DHX57: variants seen among roughly 807,000 people sequenced by gnomAD.
The protein encoded by DHX57 is DExH-box helicase 57, also known as putative ATP-dependent RNA helicase DHX57.
DHX57 carries 105 observed loss-of-function variants against 156.2 expected under a neutral mutation model. That is an observed-to-expected ratio of 0.67 (90% CI 0.57 to 0.79). The LOEUF (loss-of-function observed/expected upper bound fraction) is 0.79. Among genes scored for constraint, DHX57 ranks in the 30% least tolerant of loss-of-function variants. The pLI is 0.00. For missense variants in DHX57, 1,847 were observed against 1,661.9 expected, an observed-to-expected ratio of 1.11 and a Z score of -1.94; for synonymous variants, 704 against 595.6, an observed-to-expected ratio of 1.18 and a Z score of -2.65.
chr2:38,859,474 T>G (rs1474938712), intron 5 of DHX57, among the ~76,000 whole-genome samples: 1 of 152,200 alleles, frequency 6.6e-6, no homozygotes, highest in Admixed American at 6.5e-5. Flanking sequence ...TATTGTTGCA[T>G]AATTCTATAA....
In DHX57 at chr2:38,847,847, G is replaced by A. The variant is rs951078863; in HGVS notation, c.2164+422C>T. On this transcript the variant is annotated intron_variant, in intron 10 of 23. Coordinates refer to ENST00000457308, the MANE Select transcript of DHX57 (RefSeq NM_198963.3). ...ACCTGTAATCCCAGCACTTTGGGAGGCCGAGGCGGGCAGATCGTGAGGTCA... is the reference window on the plus strand; with the variant it reads ...ACCTGTAATCCCAGCACTTTGGGAGACCGAGGCGGGCAGATCGTGAGGTCA... Among the ~76,000 whole-genome samples the A allele has an allele frequency of 5.9e-5, 9 of 152,016 alleles. No individual in the cohort carries two copies. The South Asian group carries it at 8.3e-4, about 14-fold the overall frequency.
chr2:38,839,619 G>A (rs1324045336), intron 12 of DHX57, among the ~76,000 whole-genome samples: 1 of 151,852 alleles, frequency 6.6e-6, no homozygotes, highest in Non-Finnish European at 1.5e-5. Context: ...TACTTGGGAG[G>A]CTGAGGCAGG....
chr2:38,799,257 T>C (rs1245821718), intron 23 of DHX57, among the ~76,000 whole-genome samples: 3 of 149,680 alleles, frequency 2.0e-5, no homozygotes, highest in Non-Finnish European at 3.0e-5. Flanking sequence ...TTCCAGCTAC[T>C]TGGGAGGCTA....
rs1180060112 is a variant in DHX57 at position 38,854,556 on chromosome 2, GTT to G, written c.1906-380_1906-379del. The G allele has an allele frequency of 3.6e-3, 480 of 132,674 alleles. 4 individuals carry two copies. Among genetic ancestry groups the G allele is most frequent in the African/African-American group, 0.012 (422 of 35,096 alleles). 8.2% of individuals were successfully genotyped at this position (132,674 alleles called of 1,614,324 possible). A position where few individuals can be genotyped will look rare whatever the true frequency, so the allele number is the denominator to read the frequency against. On this transcript the variant is annotated intron_variant, in intron 8 of 23. Coordinates refer to ENST00000457308, the MANE Select transcript of DHX57 (RefSeq NM_198963.3). ...GGAAATTTAGTACAACCAAATAAGA[GTT>G]TTTTTTTTTTTTTTTTTTTTGAGAC...
In DHX57 at chr2:38,868,420, GA is replaced by G. The variant is rs1665192798; in HGVS notation, c.-6-10del. 4 of 1,609,128 alleles carry G rather than the reference GA, an allele frequency of 2.5e-6. No homozygotes were observed. ...GAAGAACTCATTTTCACCTGCAAGA[GA>G]AAAAAATTAATGTAGACATCATAAA... On this transcript the variant is annotated splice_polypyrimidine_tract_variant and intron_variant, in intron 1 of 23. Coordinates refer to ENST00000457308, the MANE Select transcript of DHX57 (RefSeq NM_198963.3).
At chr2:38,827,023 C>T (rs1281817576) in intron 14 of DHX57, among the ~76,000 whole-genome samples, 2 of 151,920 alleles carry the variant, frequency 1.3e-5, no homozygotes, top group East Asian at 1.9e-4. Context: ...CCCAGTTACT[C>T]GGGAAGCTGA....
In DHX57 at chr2:38,816,458, C is replaced by T. The variant is rs560799170; in HGVS notation, c.3472-803G>A. ...CTCGAACTCCTGATCTCAGGTGATCCGCCCACCTTGGCCTCCCAAAGCGCT... is the reference window on the plus strand; with the variant it reads ...CTCGAACTCCTGATCTCAGGTGATCTGCCCACCTTGGCCTCCCAAAGCGCT... On this transcript the variant is annotated intron_variant, in intron 19 of 23. Transcript: ENST00000457308. Among the ~76,000 whole-genome samples, 168 of 152,146 alleles carry T rather than the reference C, an allele frequency of 1.1e-3. 1 individual carries two copies. The highest frequency in any genetic ancestry group is 3.7e-3 in the African/African-American group (152 of 41,498).
At chr2:38,810,097 GT>G (rs1670163621) in intron 21 of DHX57, among the ~76,000 whole-genome samples, 1 of 151,058 alleles carries the variant, frequency 6.6e-6, no homozygotes, top group South Asian at 2.1e-4. Flanking sequence ...GTTTCACCAT[GT>G]TGGCCAGGCT....
intron 9 of DHX57, among the ~76,000 whole-genome samples, chr2:38,851,827 T>C (rs898265845): frequency 6.6e-6 from 1 of 152,200 alleles, no homozygotes; most frequent in Non-Finnish European, 1.5e-5. Context: ...TCTGAGAGAA[T>C]GTTTTATTTG....
intron 21 of DHX57, among the ~76,000 whole-genome samples, chr2:38,813,301 T>A (rs982815357): frequency 1.3e-5 from 2 of 152,208 alleles, no homozygotes; most frequent in Non-Finnish European, 2.9e-5. Context: ...ATTAAAAATT[T>A]TATACAATAA....
chr2:38,860,700 C>G (rs909116462), intron 5 of DHX57, among the ~76,000 whole-genome samples: 3 of 152,134 alleles, frequency 2.0e-5, no homozygotes. Context: ...TTAAATAAAA[C>G]AGATTTTCTG....
intron 1 of DHX57, among the ~76,000 whole-genome samples, chr2:38,872,909 A>G (rs998354265): frequency 2.6e-5 from 4 of 152,178 alleles, no homozygotes; most frequent in Admixed American, 2.0e-4. Flanking sequence ...CCACCCAACA[A>G]CGAACTATAC....
intron 21 of DHX57, chr2:38,810,657 C>A (rs1670196199): frequency 1.5e-6 from 1 of 677,706 alleles, no homozygotes; most frequent in Admixed American, 1.8e-5. Flanking sequence ...GGTCCTGGGA[C>A]TTGGCAATGC....
In DHX57 at chr2:38,798,348, C is replaced by T. The variant is rs770412329; in HGVS notation, c.4112G>A (p.Arg1371Gln). ...AATTGTGCTGATGATCCGGGATCCTCGAGGACACGTACACAGATCAATGCT... is the reference window on the plus strand; with the variant it reads ...AATTGTGCTGATGATCCGGGATCCTTGAGGACACGTACACAGATCAATGCT... The part of the protein sequence containing the change: ...NPSIDLCTCP[R>Q]GSRIISTIVK... The change falls in exon 24 of 24, where the codon CGA becomes CAA. Residue 1371 changes from arginine to glutamine, a missense_variant. Transcript: ENST00000457308. 1.1e-5 allele frequency: 17 copies of T among 1,613,856 alleles called. No individual in the cohort carries two copies. Among genetic ancestry groups the T allele is most frequent in the South Asian group, 8.8e-5 (8 of 91,038 alleles).
intron 17 of DHX57, among the ~76,000 whole-genome samples, chr2:38,820,700 G>C (rs1461429043): frequency 1.3e-5 from 2 of 152,004 alleles, no homozygotes; most frequent in Non-Finnish European, 2.9e-5. Context: ...CAGGGAGCTG[G>C]ACTAAGATAT....
Position 38,873,797 on chromosome 2 carries a change from T to A in DHX57, c.-7+1990A>T, listed in dbSNP as rs1665463662. 2.0e-5 allele frequency among the ~76,000 whole-genome samples: 3 copies of A among 152,124 alleles called. 1 individual carries two copies. In the South Asian group the frequency reaches 6.2e-4, roughly 32 times the overall value. On this transcript the variant is annotated intron_variant, in intron 1 of 23. Transcript: ENST00000457308. ...AACACAGACATTAAACAAATAGATA[T>A]ATATTATAACTTAAGTGCTATCAAG...
At chr2:38,869,818 C>G (rs1451473060) in intron 1 of DHX57, among the ~76,000 whole-genome samples, 1 of 152,112 alleles carries the variant, frequency 6.6e-6, no homozygotes, top group African/African-American at 2.4e-5. Context: ...TTAAGTATAA[C>G]CCATACACTG....
intron 9 of DHX57, among the ~76,000 whole-genome samples, chr2:38,849,773 G>A (rs573827690): frequency 6.6e-6 from 1 of 152,186 alleles, no homozygotes; most frequent in Non-Finnish European, 1.5e-5. Flanking sequence ...TAATCTGCCT[G>A]GATTACTGGG....
intron 13 of DHX57, among the ~76,000 whole-genome samples, chr2:38,832,391 T>C (rs1048302365): frequency 2.6e-5 from 4 of 151,742 alleles, no homozygotes; most frequent in Non-Finnish European, 4.4e-5. Flanking sequence ...AGAGCCGAGA[T>C]TGCGCCACTG....
Sources: allele counts gnomAD v4.1 joint callset (sites outside exome capture counted in the v4.1 genomes callset), GRCh38; gene constraint gnomAD v4.1.1; transcripts MANE v1.5; gene names NCBI Gene and HGNC (gene_info 2026-07-23, HGNC 2026-07-21).